The following COL26A1 variants were observed in gnomAD, a reference collection of about 807,000 sequenced individuals.
COL26A1 encodes the protein collagen type XXVI alpha 1 chain.
Under a neutral mutation model 59.3 loss-of-function variants are expected in COL26A1, and 41 were observed. That is an observed-to-expected ratio of 0.69 (90% CI 0.54 to 0.90). The LOEUF (loss-of-function observed/expected upper bound fraction) is 0.90. Ranked by LOEUF, COL26A1 falls within the 40% of genes least tolerant of loss-of-function variation. COL26A1 has a pLI of 0.00. For missense variants in COL26A1, 612 were observed against 602.3 expected, an observed-to-expected ratio of 1.02 and a Z score of -0.17; for synonymous variants, 266 against 256.0, an observed-to-expected ratio of 1.04 and a Z score of -0.37.
At position 101,417,537 on chromosome 7, in the gene COL26A1, G is replaced by A. The variant is rs151283274; in HGVS notation, c.159-2440G>A. 6.8e-3 allele frequency among the ~76,000 whole-genome samples: 983 copies of A among 144,850 alleles called. 12 individuals are homozygous for A. The highest frequency in any genetic ancestry group is 0.024 in the African/African-American group (945 of 38,692). On this transcript the variant is annotated intron_variant, in intron 1 of 12. Coordinates refer to ENST00000313669, the MANE Select transcript of COL26A1 (RefSeq NM_001278563.3). ...TTAAATAGAGACAGGGTCTCGCTCT[G>A]TCACCCAGGCCAAAGTGCAGTGGCA...
At chr7:101,491,491 A>G (rs1794459550) in intron 3 of COL26A1, among the ~76,000 whole-genome samples, 2 of 152,354 alleles carry the variant, frequency 1.3e-5, no homozygotes, top group Middle Eastern at 3.4e-3. Flanking sequence ...AAGCAAGTTT[A>G]TGAAGAAAGT....
chr7:101,471,923 G>A (rs1431833077), intron 3 of COL26A1, among the ~76,000 whole-genome samples: 2 of 150,702 alleles, frequency 1.3e-5, no homozygotes, highest in Non-Finnish European at 2.9e-5. Flanking sequence ...TTGTGATCAG[G>A]TTGTGACAGG....
intron 1 of COL26A1, among the ~76,000 whole-genome samples, chr7:101,413,647 G>C (rs1792299729): frequency 2.0e-5 from 3 of 152,280 alleles, no homozygotes; most frequent in South Asian, 4.1e-4. Context: ...TTACTGTCTT[G>C]GACCCTCCCT....
At chr7:101,392,152 A>G (rs1479974263) in intron 1 of COL26A1, among the ~76,000 whole-genome samples, 1 of 152,050 alleles carries the variant, frequency 6.6e-6, no homozygotes, top group Non-Finnish European at 1.5e-5. Flanking sequence ...AAGTTGCTAG[A>G]GATTTCACTG....
intron 3 of COL26A1, among the ~76,000 whole-genome samples, chr7:101,449,981 G>A (rs146103841): frequency 7.4e-4 from 113 of 152,026 alleles, no homozygotes; most frequent in African/African-American, 2.4e-3. Context: ...AAAATTAGCC[G>A]GGCATAGTGG....
intron 3 of COL26A1, among the ~76,000 whole-genome samples, chr7:101,452,457 G>A (rs371311052): frequency 3.3e-5 from 5 of 152,126 alleles, no homozygotes; most frequent in Admixed American, 1.3e-4. Context: ...TTTCTTATCC[G>A]ATAAACCACA....
intron 1 of COL26A1, among the ~76,000 whole-genome samples, chr7:101,418,034 T>C (rs145864314): frequency 6.6e-6 from 1 of 152,196 alleles, no homozygotes; most frequent in African/African-American, 2.4e-5. Flanking sequence ...CGTATATATA[T>C]ACTTTTTGTA....
chr7:101,467,721 G>A (rs1584433946), intron 3 of COL26A1, among the ~76,000 whole-genome samples: 1 of 152,024 alleles, frequency 6.6e-6, no homozygotes, highest in Non-Finnish European at 1.5e-5. Flanking sequence ...CAAAAAATTA[G>A]CCAGGTATGG....
intron 3 of COL26A1, among the ~76,000 whole-genome samples, chr7:101,500,307 G>A (rs947582161): frequency 3.9e-5 from 6 of 152,190 alleles, no homozygotes; most frequent in African/African-American, 1.4e-4. Flanking sequence ...GGGCTACAAG[G>A]CTCATAGCTG....
intron 3 of COL26A1, among the ~76,000 whole-genome samples, chr7:101,468,962 G>T (rs1056298384): frequency 6.6e-6 from 1 of 152,156 alleles, no homozygotes; most frequent in Admixed American, 6.5e-5. Context: ...TCACAGCCTC[G>T]CAGGGCCTCG....
intron 1 of COL26A1, among the ~76,000 whole-genome samples, chr7:101,402,070 G>A (rs1456833590): frequency 2.0e-5 from 3 of 152,120 alleles, no homozygotes; most frequent in Non-Finnish European, 4.4e-5. Context: ...AAATTCTCCC[G>A]GGCCTGACCT....
At chr7:101,452,566 ATGTAC>A (rs1186434866) in intron 3 of COL26A1, among the ~76,000 whole-genome samples, 1 of 152,138 alleles carries the variant, frequency 6.6e-6, no homozygotes, top group East Asian at 1.9e-4. Flanking sequence ...ACACCAAAGG[ATGTAC>A]TTACAGAAAC....
chr7:101,535,413 C>T (rs1795461539), intron 4 of COL26A1, among the ~76,000 whole-genome samples: 2 of 152,108 alleles, frequency 1.3e-5, no homozygotes, highest in South Asian at 4.1e-4. Flanking sequence ...TGGCCTCAGC[C>T]CAGTATTGTG....
chr7:101,490,515 A>G (rs1794434086), intron 3 of COL26A1, among the ~76,000 whole-genome samples: 1 of 151,952 alleles, frequency 6.6e-6, no homozygotes, highest in Non-Finnish European at 1.5e-5. Context: ...CAGCCTGACC[A>G]ACATGGTGAA....
At chr7:101,415,213 T>C (rs1792345680) in intron 1 of COL26A1, among the ~76,000 whole-genome samples, 1 of 148,094 alleles carries the variant, frequency 6.8e-6, no homozygotes, top group African/African-American at 2.5e-5. Context: ...AGTGCCGTGG[T>C]GCGATCTTGG....
chr7:101,534,778 G>A (rs949618897), intron 4 of COL26A1, among the ~76,000 whole-genome samples: 39 of 146,402 alleles, frequency 2.7e-4, no homozygotes, highest in African/African-American at 9.2e-4. Flanking sequence ...GTGTGGCTTG[G>A]AGTCAGACAT....
chr7:101,526,813 TG>T (rs1371881215), intron 3 of COL26A1, among the ~76,000 whole-genome samples: 1 of 152,174 alleles, frequency 6.6e-6, no homozygotes, highest in Non-Finnish European at 1.5e-5. Context: ...CTGAAGCCAC[TG>T]GAGCTGATCC....
At chr7:101,548,728 G>A (rs942708845) in intron 8 of COL26A1, among the ~76,000 whole-genome samples, 15 of 152,088 alleles carry the variant, frequency 9.9e-5, no homozygotes, top group Non-Finnish European at 2.2e-4. Flanking sequence ...ACTGGGCTTG[G>A]ATTTTTGAGA....
rs959597075 is a variant in COL26A1 at position 101,362,954 on chromosome 7, C to T, written c.-79C>T. The T allele has an allele frequency of 2.1e-6, 3 of 1,421,736 alleles. No individual in the cohort carries two copies. The highest frequency in any genetic ancestry group is 2.7e-5 in the East Asian group (1 of 36,678). 88.1% of individuals were successfully genotyped at this position (1,421,736 alleles called of 1,614,324 possible). A position where few individuals can be genotyped will look rare whatever the true frequency, so the allele number is the denominator to read the frequency against. On this transcript the variant is annotated 5_prime_UTR_variant, in exon 1 of 13. Transcript: ENST00000313669. ...CTCGCTGTGCTCCCGGCCGGTGCCG[C>T]GGGTTCGGTCCGGGCGCCGGTGCGC...
Sources: gnomAD v4.1 joint callset for allele counts (sites outside exome capture counted in the v4.1 genomes callset) on GRCh38, gnomAD v4.1.1 for gene constraint, MANE v1.5 for transcripts, NCBI Gene and HGNC (gene_info 2026-07-23, HGNC 2026-07-21) for gene names.